DUSP11: variants seen among roughly 807,000 people sequenced by gnomAD.
DUSP11 encodes RNA/RNP complex-1-interacting phosphatase.
A neutral mutation model predicts 41.4 loss-of-function variants in DUSP11; 27 were observed. The observed-to-expected ratio is 0.65, with a 90% confidence interval of 0.48 to 0.90. The LOEUF (loss-of-function observed/expected upper bound fraction) is 0.90, where lower values mean the gene tolerates loss of function less well. Among genes scored for constraint, DUSP11 ranks in the 40% least tolerant of loss-of-function variants. The pLI is 0.00. For missense variants in DUSP11, 465 were observed against 461.1 expected (o/e 1.01, Z -0.08); for synonymous variants, 188 against 159.3 (o/e 1.18, Z -1.35).
intron 8 of DUSP11, 108 bp downstream of exon 8, chr2:73,766,310 A>C (rs1216975538): frequency 2.0e-5 from 1 of 51,012 alleles, no homozygotes; most frequent in Non-Finnish European, 3.6e-5. Context: ...CTCTGTCTCC[A>C]AAAAAAAAAA....
At chr2:73,776,204 G>A (rs1212276989) in intron 2 of DUSP11, among the ~76,000 whole-genome samples, 2 of 151,916 alleles carry the variant, frequency 1.3e-5, no homozygotes, top group Non-Finnish European at 2.9e-5. Flanking sequence ...CACGAGGTCA[G>A]GAGATCGAGA....
intron 8 of DUSP11, among the ~76,000 whole-genome samples, chr2:73,764,288 A>T (rs1672416949): frequency 1.3e-5 from 2 of 152,030 alleles, no homozygotes. Flanking sequence ...CAATTTTTTT[A>T]AAGTTTCTTT....
At chr2:73,770,187 CAAAA>C in intron 4 of DUSP11, among the ~76,000 whole-genome samples, 1 of 90,578 alleles carries the variant, frequency 1.1e-5, no homozygotes. Flanking sequence ...CCCAGCTACT[CAAAA>C]AAAAAAAAAA....
chr2:73,777,739 A>G (rs1672712211), intron 2 of DUSP11, among the ~76,000 whole-genome samples: 1 of 152,250 alleles, frequency 6.6e-6, no homozygotes, highest in Non-Finnish European at 1.5e-5. Context: ...TGGATGTCCT[A>G]TTCAAGATTA....
At chr2:73,778,993 C>CA (rs963186507) in intron 1 of DUSP11, among the ~76,000 whole-genome samples, 15 of 151,610 alleles carry the variant, frequency 9.9e-5, no homozygotes, top group Admixed American at 4.6e-4. Flanking sequence ...ACTAAAAATA[C>CA]AAAAAAAATT....
intron 4 of DUSP11, 93 bp downstream of exon 4, chr2:73,773,707 A>C: frequency 7.8e-7 from 1 of 1,282,956 alleles, no homozygotes; most frequent in South Asian, 1.6e-5. Flanking sequence ...CATTAAATAC[A>C]ACAGGTCTGA....
At chr2:73,774,767 T>A in intron 3 of DUSP11, 146 bp downstream of exon 3, 1 of 544,640 alleles carries the variant, frequency 1.8e-6, no homozygotes. Flanking sequence ...AACATGTAAT[T>A]AGAGAAATCA....
At chr2:73,770,144 A>T (rs1452770925) in intron 4 of DUSP11, among the ~76,000 whole-genome samples, 1 of 151,438 alleles carries the variant, frequency 6.6e-6, no homozygotes, top group East Asian at 1.9e-4. Context: ...AAGTACAAAA[A>T]ATTAGCTGGG....
chr2:73,770,260 A>G (rs1672548712), intron 4 of DUSP11, among the ~76,000 whole-genome samples: 1 of 152,030 alleles, frequency 6.6e-6, no homozygotes, highest in Non-Finnish European at 1.5e-5. Flanking sequence ...CACGCCTGTA[A>G]TCCCAGCCCT....
chr2:73,777,330 A>C (rs918216107), intron 2 of DUSP11, among the ~76,000 whole-genome samples: 2 of 152,204 alleles, frequency 1.3e-5, no homozygotes, highest in Non-Finnish European at 2.9e-5. Flanking sequence ...ACAGCAGTTG[A>C]AAAAGGAAAT....
At chr2:73,762,717 A>C (rs761361546) in exon 9 of DUSP11, 1 of 1,613,748 alleles carries the variant, frequency 6.2e-7, no homozygotes, top group Non-Finnish European at 8.5e-7. Context: ...TTATAAGGAT[A>C]CCACCTTCTT....
intron 5 of DUSP11, chr2:73,768,631 G>T: frequency 1.0e-6 from 1 of 985,194 alleles, no homozygotes; most frequent in Non-Finnish European, 1.2e-6. Flanking sequence ...TGTGTTCATC[G>T]GTGTGCAAAG....
At chr2:73,766,668 C>T (rs1672472680) in intron 7 of DUSP11, 74 bp from the exon 8 acceptor site, 1 of 1,477,302 alleles carries the variant, frequency 6.8e-7, no homozygotes, top group Non-Finnish European at 9.2e-7. Flanking sequence ...TATATTTTGG[C>T]ATATGAAAAT....
At chr2:73,773,353 T>G in intron 4 of DUSP11, 1 of 219,840 alleles carries the variant, frequency 4.5e-6, no homozygotes. Flanking sequence ...CTTAAATACA[T>G]ATGACAAAGG....
chr2:73,775,447 TG>T (rs1245485626), intron 2 of DUSP11, among the ~76,000 whole-genome samples: 2 of 148,096 alleles, frequency 1.4e-5, no homozygotes, highest in African/African-American at 5.0e-5. Context: ...GACACAAACA[TG>T]GCTCACTGCA....
At chr2:73,772,907 T>A (rs1054239044) in intron 4 of DUSP11, among the ~76,000 whole-genome samples, 6 of 152,202 alleles carry the variant, frequency 3.9e-5, no homozygotes, top group African/African-American at 1.4e-4. Flanking sequence ...TCACATTTTT[T>A]AAAAAGGAGT....
At chr2:73,766,525 G>C in exon 8 of DUSP11, 1 of 1,614,104 alleles carries the variant, frequency 6.2e-7, no homozygotes, top group Non-Finnish European at 8.5e-7. Context: ...CAGGCTTATT[G>C]TGGACTGGTT....
At chr2:73,776,140 T>G (rs1319455887) in intron 2 of DUSP11, among the ~76,000 whole-genome samples, 2 of 151,582 alleles carry the variant, frequency 1.3e-5, no homozygotes, top group Non-Finnish European at 2.9e-5. Context: ...TTTGGCTGGG[T>G]GCGGTGGCTC....
At chr2:73,775,105 T>G (rs1672653345) in intron 2 of DUSP11, 61 bp from the exon 3 acceptor site, 1 of 1,423,156 alleles carries the variant, frequency 7.0e-7, no homozygotes, top group Admixed American at 2.1e-5. Flanking sequence ...ACATTAGGCA[T>G]TTATTCAAGT....
Sources: gnomAD v4.1 joint callset for allele counts (sites outside exome capture counted in the v4.1 genomes callset) on GRCh38, gnomAD v4.1.1 for gene constraint, MANE v1.5 for transcripts, NCBI Gene and HGNC (gene_info 2026-07-23, HGNC 2026-07-21) for gene names.